NUCB2: variants seen among roughly 807,000 people sequenced by gnomAD.
NUCB2 encodes the protein nucleobindin-2.
In NUCB2, 48 loss-of-function variants were observed where a neutral mutation model predicts 57.9. That is an observed-to-expected ratio of 0.83 (90% CI 0.66 to 1.05). The LOEUF is 1.05. Ranked by LOEUF, NUCB2 falls within the 50% of genes least tolerant of loss-of-function variation. The probability of loss-of-function intolerance (pLI) is 0.00; values close to 1 mark genes in which losing one functional copy is unlikely to be tolerated. For synonymous variants in NUCB2, 139 were observed against 152.1 expected (o/e 0.91, Z 0.64); for missense variants, 442 against 476.2 (o/e 0.93, Z 0.67).
intron 11 of NUCB2, among the ~76,000 whole-genome samples, chr11:17,318,604 A>G (rs1949609528): frequency 6.6e-6 from 1 of 152,184 alleles, no homozygotes; most frequent in East Asian, 1.9e-4. Flanking sequence ...AGGCTTGAAC[A>G]TCCTGATATA....
At chr11:17,326,481 C>T (rs965634910) in intron 11 of NUCB2, among the ~76,000 whole-genome samples, 1 of 147,896 alleles carries the variant, frequency 6.8e-6, no homozygotes, top group African/African-American at 2.5e-5. Context: ...CCACACGCGG[C>T]TAATTTTTTG....
Position 17,296,205 on chromosome 11 carries a change from A to C in NUCB2, c.246A>C (p.Glu82Asp). 3 of 1,581,372 alleles carry C rather than the reference A, an allele frequency of 1.9e-6. No homozygotes were observed. Among genetic ancestry groups the C allele is most frequent in the Non-Finnish European group, 2.6e-6 (3 of 1,153,624 alleles). The stretch of plus-strand genomic sequence containing the variant: ...AGCTCCAGAAAGCAGACATAGAGGA[A>C]ATAAAGGTAAATGCAATTCAATAAT... ...REKLQKADIE[E>D]IKSGRLSKEL... The change falls in exon 4 of 14, where the codon GAA becomes GAC. Residue 82 changes from glutamate to aspartate, a missense_variant. By Grantham distance (45) the Glu-to-Asp change is conservative. Coordinates refer to ENST00000529010, the MANE Select transcript of NUCB2 (RefSeq NM_005013.4).
chr11:17,329,412 C>A (rs564945675), intron 11 of NUCB2, among the ~76,000 whole-genome samples: 2 of 152,152 alleles, frequency 1.3e-5, no homozygotes, highest in African/African-American at 4.8e-5. Context: ...TACCTAGGAC[C>A]CCAGAGCACT....
At chr11:17,301,489 AGGCTGGTCTC>A in intron 4 of NUCB2, among the ~76,000 whole-genome samples, 1 of 144,284 alleles carries the variant, frequency 6.9e-6, no homozygotes. Flanking sequence ...CAGGTTGGCC[AGGCTGGTCTC>A]GAGCTCCTGA....
In NUCB2 at chr11:17,330,514, G is replaced by A. The variant is rs550624425; in HGVS notation, c.1173+217G>A. On this transcript the variant is annotated intron_variant, in intron 12 of 13. Coordinates refer to ENST00000529010, the MANE Select transcript of NUCB2 (RefSeq NM_005013.4). The surrounding 1 kb of genome is among the most constrained non-coding windows in gnomAD (Gnocchi z 4.3). Reference sequence around the variant, plus strand: ...TATTTTGAGACAGCCTGTCTCCCAGGCTGGAGTATAGTGCTGTGATCATAG... The same window carrying A: ...TATTTTGAGACAGCCTGTCTCCCAGACTGGAGTATAGTGCTGTGATCATAG... 6.6e-6 allele frequency among the ~76,000 whole-genome samples: 1 copy of A among 152,102 alleles called. No individual in the cohort carries two copies. The highest frequency in any genetic ancestry group is 1.9e-4 in the East Asian group (1 of 5,174).
intron 3 of NUCB2, among the ~76,000 whole-genome samples, chr11:17,295,883 C>T (rs996635107): frequency 4.0e-5 from 6 of 151,846 alleles, no homozygotes; most frequent in South Asian, 2.1e-4. Context: ...TAGAGAGTGT[C>T]GTAAAAAAGA....
intron 5 of NUCB2, among the ~76,000 whole-genome samples, chr11:17,305,141 T>C (rs1184732640): frequency 6.6e-6 from 1 of 152,144 alleles, no homozygotes; most frequent in African/African-American, 2.4e-5. Flanking sequence ...TTCGCCAACA[T>C]GGCAAAACCC....
chr11:17,295,708 T>C (rs1945719583), intron 3 of NUCB2: 1 of 450,258 alleles, frequency 2.2e-6, no homozygotes, highest in African/African-American at 2.0e-5. Flanking sequence ...TTATTTAATA[T>C]AGTTAGTATA....
chr11:17,285,983 G>A (rs1222294712), intron 2 of NUCB2, among the ~76,000 whole-genome samples: 1 of 150,946 alleles, frequency 6.6e-6, no homozygotes, highest in Non-Finnish European at 1.5e-5. Context: ...AACTTAATCT[G>A]TATAACTATG....
At chr11:17,324,780 C>CTATTTATT (rs147466695) in intron 11 of NUCB2, among the ~76,000 whole-genome samples, 9,716 of 147,092 alleles carry the variant, frequency 0.066, 983 homozygotes, top group African/African-American at 0.22. Context: ...GTCTATTTGT[C>CTATTTATT]TATTTATTTA....
At chr11:17,334,682 T>C (rs1951664304), downstream of NUCB2, among the ~76,000 whole-genome samples, 1 of 152,192 alleles carries the variant, frequency 6.6e-6, no homozygotes, top group African/African-American at 2.4e-5. Flanking sequence ...GGTTAGGAGT[T>C]CCAGACCAGC....
intron 2 of NUCB2, among the ~76,000 whole-genome samples, chr11:17,287,588 G>A (rs958907610): frequency 1.4e-5 from 2 of 147,138 alleles, no homozygotes; most frequent in Non-Finnish European, 3.0e-5. Flanking sequence ...CAGGAGAATC[G>A]CTTGAACCTG....
intron 1 of NUCB2, chr11:17,278,546 T>C (rs1216479227): frequency 2.6e-5 from 4 of 152,186 alleles, no homozygotes; most frequent in Non-Finnish European, 5.9e-5. Flanking sequence ...AGGTACATAT[T>C]GTTCATATCA....
At chr11:17,303,851 C>T (rs1947171468) in intron 5 of NUCB2, among the ~76,000 whole-genome samples, 1 of 148,556 alleles carries the variant, frequency 6.7e-6, no homozygotes, top group Admixed American at 6.8e-5. Context: ...CGTCACCTCA[C>T]TCCAGCCTGG....
chr11:17,340,831 T>C (rs1952200823), intron 2 of NUCB2, among the ~76,000 whole-genome samples: 1 of 152,218 alleles, frequency 6.6e-6, no homozygotes, highest in South Asian at 2.1e-4. Context: ...ATATGAACTT[T>C]AAAGTAGTTT....
chr11:17,288,659 A>AT (rs569884363), intron 2 of NUCB2, among the ~76,000 whole-genome samples: 2 of 146,532 alleles, frequency 1.4e-5, no homozygotes, highest in East Asian at 4.1e-4. Flanking sequence ...GGTTCAAGCC[A>AT]TTCTCCTGCC....
At chr11:17,331,212 T>C (rs1389456669) in intron 13 of NUCB2, 200 bp from the exon 14 acceptor site, 1 of 529,878 alleles carries the variant, frequency 1.9e-6, no homozygotes, top group Non-Finnish European at 3.3e-6. Flanking sequence ...GATAACCATA[T>C]TTATGGTAAA....
intron 11 of NUCB2, among the ~76,000 whole-genome samples, chr11:17,329,364 G>T (rs2139434803): frequency 6.6e-6 from 1 of 152,266 alleles, no homozygotes; most frequent in Admixed American, 6.5e-5. Context: ...AGTTGCCTAG[G>T]AATTACAGTC....
At chr11:17,347,762 T>C (rs1466359844) in intron 2 of NUCB2, among the ~76,000 whole-genome samples, 1 of 152,242 alleles carries the variant, frequency 6.6e-6, no homozygotes, top group Non-Finnish European at 1.5e-5. Flanking sequence ...TTGTATTTTG[T>C]CTTTCATGAC....
Sources: allele counts gnomAD v4.1 joint callset (sites outside exome capture counted in the v4.1 genomes callset), GRCh38; gene constraint gnomAD v4.1.1; non-coding constraint Gnocchi (gnomAD v3.1); transcripts MANE v1.5; gene names NCBI Gene and HGNC (gene_info 2026-07-23, HGNC 2026-07-21).